PCDHA4: variants seen among roughly 807,000 people sequenced by gnomAD.
The protein encoded by PCDHA4 is protocadherin alpha 4.
In PCDHA4, 49 loss-of-function variants were observed where a neutral mutation model predicts 61.4. That is an observed-to-expected ratio of 0.80 (90% CI 0.63 to 1.01). The LOEUF (loss-of-function observed/expected upper bound fraction) is 1.01, where lower values mean the gene tolerates loss of function less well. PCDHA4 is among the 50% of genes least tolerant of loss of function. The pLI is 0.00. For synonymous variants in PCDHA4, 590 were observed against 550.3 expected, an observed-to-expected ratio of 1.07 and a Z score of -1.01; for missense variants, 1,254 against 1,235.8, an observed-to-expected ratio of 1.01 and a Z score of -0.22.
At chr5:140,896,541 T>C (rs2065612579) in intron 1 of PCDHA4, among the ~76,000 whole-genome samples, 1 of 151,728 alleles carries the variant, frequency 6.6e-6, no homozygotes, top group South Asian at 2.1e-4. Flanking sequence ...TTTTTCTTTT[T>C]TTTTTTTGTA....
intron 1 of PCDHA4, chr5:140,926,753 G>C (rs1431209513): frequency 3.5e-5 from 44 of 1,268,526 alleles, no homozygotes; most frequent in Non-Finnish European, 4.4e-5. Context: ...GTCGGCGGTC[G>C]CTGAGTATCC....
At chr5:140,858,846 T>C (rs2045621304) in intron 1 of PCDHA4, 1 of 295,454 alleles carries the variant, frequency 3.4e-6, no homozygotes, top group Non-Finnish European at 6.4e-6. Flanking sequence ...ATTCCACTGA[T>C]CTATATCTCT....
rs781834509 is a variant in PCDHA4 at position 140,808,626 on chromosome 5, G to A, written c.1439G>A (p.Trp480Ter). The change falls in exon 1 of 4, where the codon TGG (tryptophan) becomes TAG (stop). Residue 480 changes from tryptophan (W) to a stop codon, truncating the protein, a stop_gained. Transcript: ENST00000530339. LOFTEE classifies it high-confidence loss of function. ...TGCCACATCTTCACTGTGTCTGCGT[G>A]GGACGCGGACGCGCAGGAGAACGCG... ...PGCHIFTVSA[W>*]DADAQENALV... 9.3e-6 allele frequency: 15 copies of A among 1,613,580 alleles called. No homozygotes were observed. In the Admixed American group the frequency reaches 1.0e-4, roughly 11 times the overall value.
intron 3 of PCDHA4, among the ~76,000 whole-genome samples, chr5:140,998,370 G>A (rs1321470929): frequency 2.6e-5 from 4 of 152,106 alleles, no homozygotes; most frequent in Admixed American, 1.3e-4. Flanking sequence ...TGCACACACC[G>A]TCTCTAGAAA....
chr5:140,967,147 C>A (rs782815903), intron 1 of PCDHA4: 7 of 1,611,068 alleles, frequency 4.3e-6, no homozygotes, highest in South Asian at 2.2e-5. Flanking sequence ...TGGCGCACAA[C>A]CCCGTGGCGG....
At chr5:140,835,628 C>T (rs2150239805) in intron 1 of PCDHA4, 1 of 1,613,890 alleles carries the variant, frequency 6.2e-7, no homozygotes, top group Admixed American at 1.7e-5. Context: ...CTCTGGACCG[C>T]GAGAGTGTGT....
intron 1 of PCDHA4, chr5:140,861,770 C>CCAAT (rs386405128): frequency 6.2e-6 from 1 of 161,486 alleles, no homozygotes; most frequent in Non-Finnish European, 1.3e-5. Flanking sequence ...CCTGGAAATA[C>CCAAT]CAAGAGCAGG....
intron 1 of PCDHA4, among the ~76,000 whole-genome samples, chr5:140,947,645 A>AT (rs2094157342): frequency 6.6e-6 from 1 of 151,670 alleles, no homozygotes; most frequent in East Asian, 1.9e-4. Context: ...GTATGAACAT[A>AT]TATACCTCCA....
At chr5:140,909,235 A>G (rs1554193708) in intron 1 of PCDHA4, among the ~76,000 whole-genome samples, 1 of 152,182 alleles carries the variant, frequency 6.6e-6, no homozygotes, top group African/African-American at 2.4e-5. Flanking sequence ...TAGGATGGTA[A>G]AGATATATTG....
chr5:140,882,997 C>T, intron 1 of PCDHA4: 1 of 1,614,062 alleles, frequency 6.2e-7, no homozygotes, highest in East Asian at 2.2e-5. Context: ...CGGAATTTTA[C>T]CAATCCGTTT....
chr5:140,968,741 A>T, intron 1 of PCDHA4: 1 of 1,614,106 alleles, frequency 6.2e-7, no homozygotes, highest in Non-Finnish European at 8.5e-7. Context: ...TTTCAACCTG[A>T]CCGTGGTGGT....
intron 1 of PCDHA4, chr5:140,830,278 G>T (rs2150184095): frequency 1.9e-6 from 3 of 1,613,832 alleles, no homozygotes; most frequent in East Asian, 4.5e-5. Flanking sequence ...CACCCACCGA[G>T]GGCGCGTGCA....
At chr5:140,966,527 G>C (rs1328867902) in intron 1 of PCDHA4, 2 of 444,184 alleles carry the variant, frequency 4.5e-6, no homozygotes, top group Non-Finnish European at 7.8e-6. Context: ...AAGCCGAGCC[G>C]GGTTGAGCGA....
In PCDHA4 at chr5:140,809,458, G is replaced by T. The variant is rs1764469357; in HGVS notation, c.2271G>T (p.Arg757Ser). The T allele has an allele frequency of 6.2e-7, 1 of 1,614,110 alleles. No homozygotes were observed. Among genetic ancestry groups the T allele is most frequent in the Non-Finnish European group, 8.5e-7 (1 of 1,180,040 alleles). ...CATACTCGCAGCAGAGGAGGCCGAG[G>T]GTGTGCTCTGGTGAGGGCCCACCCA... ...SWSYSQQRRP[R>S]VCSGEGPPKT... is the part of the protein sequence containing the mutation. The change falls in exon 1 of 4, where the codon AGG (arginine) becomes AGT (serine). Residue 757 changes from arginine to serine, a missense_variant. Coordinates refer to ENST00000530339, the MANE Select transcript of PCDHA4 (RefSeq NM_018907.4).
At chr5:140,923,043 T>C (rs1274355780) in intron 1 of PCDHA4, among the ~76,000 whole-genome samples, 2 of 152,228 alleles carry the variant, frequency 1.3e-5, no homozygotes, top group Non-Finnish European at 1.5e-5. Context: ...ACATGTATAG[T>C]ATTTAGAATA....
chr5:140,877,015 G>T lies in PCDHA4; in HGVS notation c.2385+67443G>T, dbSNP rs371309003. The T allele has an allele frequency of 1.6e-5, 26 of 1,612,358 alleles. No individual in the cohort carries two copies. Among genetic ancestry groups the T allele is most frequent in the African/African-American group, 4.0e-5 (3 of 74,900 alleles). On this transcript the variant is annotated intron_variant, in intron 1 of 3. Transcript: ENST00000530339. The stretch of plus-strand genomic sequence containing the variant: ...CTACGTGTCGGTGCACGCGGAGAGC[G>T]GCAAGGTGTACGCGCTGCAGCCGCT...
intron 1 of PCDHA4, among the ~76,000 whole-genome samples, chr5:140,915,224 G>C (rs2077030896): frequency 6.6e-6 from 1 of 152,144 alleles, no homozygotes; most frequent in African/African-American, 2.4e-5. Context: ...TGGGATTACA[G>C]GCATGAGCCA....
rs2150236253 is a variant in PCDHA4, at chr5:140,835,458, A to G, written c.2385+25886A>G. 2.8e-5 allele frequency: 45 copies of G among 1,613,760 alleles called. No homozygotes were observed. Among genetic ancestry groups the G allele is most frequent in the East Asian group, 4.5e-5 (2 of 44,842 alleles). ...GACTCTCACTTCCCTGTCTCTCCCT[A>G]TTCCAGAGGACGCCCAACCAGGTAC... On this transcript the variant is annotated intron_variant, in intron 1 of 3. Transcript: ENST00000530339.
chr5:140,869,798 T>A (rs782748267), intron 1 of PCDHA4: 2 of 1,612,730 alleles, frequency 1.2e-6, no homozygotes. Flanking sequence ...TTAGTCCAAG[T>A]CTTGGATGTC....
Sources: allele counts gnomAD v4.1 joint callset (sites outside exome capture counted in the v4.1 genomes callset), GRCh38; gene constraint gnomAD v4.1.1; transcripts MANE v1.5; gene names NCBI Gene and HGNC (gene_info 2026-07-23, HGNC 2026-07-21).